LIN52: variants seen among roughly 807,000 people sequenced by gnomAD.
The protein encoded by LIN52 is lin-52 DREAM MuvB core complex component, also known as protein lin-52 homolog.
Under a neutral mutation model 18.5 loss-of-function variants are expected in LIN52, and 4 were observed. That is an observed-to-expected ratio of 0.22 (90% CI 0.11 to 0.49). The LOEUF (loss-of-function observed/expected upper bound fraction) is 0.49, where lower values mean the gene tolerates loss of function less well. Among genes scored for constraint, LIN52 ranks in the 20% least tolerant of loss-of-function variants. The pLI, the probability that LIN52 is intolerant of heterozygous loss-of-function variation, is 0.97. For missense variants in LIN52, 102 were observed against 139.5 expected (o/e 0.73, Z 1.35); for synonymous variants, 34 against 45.5 (o/e 0.75, Z 1.02).
chr14:74,132,901 A>T (rs1033276109), intron 5 of LIN52, among the ~76,000 whole-genome samples: 6 of 152,170 alleles, frequency 3.9e-5, no homozygotes, highest in Non-Finnish European at 8.8e-5. Context: ...AAATCTTAAT[A>T]TATAAAATGA....
intron 5 of LIN52, among the ~76,000 whole-genome samples, chr14:74,104,944 T>C (rs1243391244): frequency 1.3e-5 from 2 of 152,216 alleles, no homozygotes; most frequent in Admixed American, 1.3e-4. Flanking sequence ...TGTTTTATTA[T>C]AGGTTGCAAG....
chr14:74,085,920 A>G (rs1402679053), intron 1 of LIN52, among the ~76,000 whole-genome samples: 1 of 152,194 alleles, frequency 6.6e-6, no homozygotes, highest in Non-Finnish European at 1.5e-5. Context: ...GAAGAAATTG[A>G]AGCCAAGGTG....
chr14:74,174,211 C>T (rs1160134143), intron 5 of LIN52, among the ~76,000 whole-genome samples: 3 of 152,174 alleles, frequency 2.0e-5, no homozygotes, highest in East Asian at 1.9e-4. Flanking sequence ...TGTTGCTTAA[C>T]TCTGGGGATA....
chr14:74,094,096 CAT>C (rs2060791786), intron 2 of LIN52, among the ~76,000 whole-genome samples: 1 of 151,526 alleles, frequency 6.6e-6, no homozygotes, highest in Non-Finnish European at 1.5e-5. Context: ...ATGTTGGAGT[CAT>C]ATGCATGTGG....
At chr14:74,092,291 A>G (rs1417648369) in intron 2 of LIN52, among the ~76,000 whole-genome samples, 1 of 94,014 alleles carries the variant, frequency 1.1e-5, no homozygotes, top group African/African-American at 4.9e-5. Flanking sequence ...TATTATTATT[A>G]TATATATGTA....
intron 5 of LIN52, among the ~76,000 whole-genome samples, chr14:74,159,283 G>T (rs1279794405): frequency 6.6e-6 from 1 of 151,992 alleles, no homozygotes; most frequent in East Asian, 1.9e-4. Flanking sequence ...AAATAAAATA[G>T]TGTCATTGGC....
intron 5 of LIN52, among the ~76,000 whole-genome samples, chr14:74,114,753 G>A (rs1398450722): frequency 1.3e-5 from 2 of 152,118 alleles, no homozygotes; most frequent in East Asian, 1.9e-4. Context: ...TAGGCAACAG[G>A]TAATGTTTTA....
chr14:74,131,108 T>G (rs2061064151), intron 5 of LIN52, among the ~76,000 whole-genome samples: 1 of 151,992 alleles, frequency 6.6e-6, no homozygotes. Context: ...TTTTTTATTC[T>G]TAAGTATTCC....
chr14:74,181,129 GAAAA>G (rs2061316980), intron 5 of LIN52, among the ~76,000 whole-genome samples: 1 of 127,868 alleles, frequency 7.8e-6, no homozygotes, highest in Non-Finnish European at 1.7e-5. Context: ...AAAAAAAAAA[GAAAA>G]AAGAAAAGAA....
intron 5 of LIN52, among the ~76,000 whole-genome samples, chr14:74,196,379 T>C (rs2078912327): frequency 6.6e-6 from 1 of 152,136 alleles, no homozygotes. Flanking sequence ...AGTTGGTGAG[T>C]CTGAAGGTCA....
intron 5 of LIN52, among the ~76,000 whole-genome samples, chr14:74,147,594 A>C (rs1188270816): frequency 6.6e-6 from 1 of 152,226 alleles, no homozygotes; most frequent in African/African-American, 2.4e-5. Flanking sequence ...AAGCAATCCA[A>C]ATGTTCATTG....
chr14:74,171,250 A>G (rs1027198024), intron 5 of LIN52, among the ~76,000 whole-genome samples: 2 of 152,004 alleles, frequency 1.3e-5, no homozygotes, highest in Non-Finnish European at 2.9e-5. Flanking sequence ...ATGCACCTAT[A>G]GACCCAGCTA....
intron 5 of LIN52, among the ~76,000 whole-genome samples, chr14:74,106,575 C>G (rs1320718918): frequency 6.6e-6 from 1 of 151,870 alleles, no homozygotes; most frequent in East Asian, 1.9e-4. Flanking sequence ...CCTACCCCAG[C>G]CTGATTTATT....
intron 5 of LIN52, among the ~76,000 whole-genome samples, chr14:74,150,851 G>A (rs2061173808): frequency 6.6e-6 from 1 of 152,146 alleles, no homozygotes; most frequent in Non-Finnish European, 1.5e-5. Flanking sequence ...GTTAGGAAAA[G>A]ATGTTGAAGA....
chr14:74,193,708 G>A (rs528240197), intron 5 of LIN52, among the ~76,000 whole-genome samples: 1 of 152,178 alleles, frequency 6.6e-6, no homozygotes, highest in African/African-American at 2.4e-5. Context: ...TACCTTGAAT[G>A]AATGAGGAAA....
intron 5 of LIN52, among the ~76,000 whole-genome samples, chr14:74,170,718 T>C (rs537007917): frequency 2.0e-5 from 3 of 151,960 alleles, no homozygotes; most frequent in African/African-American, 4.8e-5. Flanking sequence ...GTAGAAACTA[T>C]AAAGATAGAT....
rs1446781193 is a variant in LIN52 at position 74,095,812 on chromosome 14, G to A, written c.95-136G>A. ...ATCTTTCTTTGAGGACTGAAACAGT[G>A]TTATAGTTATTGGTTTATTCTTTCT... On this transcript the variant is annotated intron_variant, in intron 2 of 5. Transcript: ENST00000555028. 5.1e-6 allele frequency: 3 copies of A among 584,354 alleles called. No homozygotes were observed. The African/African-American group carries it at 5.8e-5, about 11-fold the overall frequency. 36.2% of individuals were successfully genotyped at this position (584,354 alleles called of 1,614,324 possible). A position where few individuals can be genotyped will look rare whatever the true frequency, so the allele number is the denominator to read the frequency against.
intron 5 of LIN52, among the ~76,000 whole-genome samples, chr14:74,125,056 T>A (rs1349552995): frequency 6.6e-6 from 1 of 152,048 alleles, no homozygotes; most frequent in Non-Finnish European, 1.5e-5. Context: ...AATAAAGAAC[T>A]CTTAGAACTC....
At chr14:74,153,380 G>A (rs1273291869) in intron 5 of LIN52, among the ~76,000 whole-genome samples, 2 of 151,842 alleles carry the variant, frequency 1.3e-5, no homozygotes, top group Admixed American at 6.6e-5. Flanking sequence ...TTTTGCATGG[G>A]GTTATCTTCT....
Sources: gnomAD v4.1 joint callset for allele counts (sites outside exome capture counted in the v4.1 genomes callset) on GRCh38, gnomAD v4.1.1 for gene constraint, MANE v1.5 for transcripts, NCBI Gene and HGNC (gene_info 2026-07-23, HGNC 2026-07-21) for gene names.